NELL2: variants seen among roughly 807,000 people sequenced by gnomAD.
The protein encoded by NELL2 is protein kinase C-binding protein NELL2.
A neutral mutation model predicts 109.6 loss-of-function variants in NELL2; 41 were observed. The ratio of observed to expected loss-of-function variants is 0.37; its 90% CI spans 0.29 to 0.49. The LOEUF (loss-of-function observed/expected upper bound fraction) is 0.49. Among genes scored for constraint, NELL2 ranks in the 20% least tolerant of loss-of-function variants. The pLI is 0.98. For missense variants in NELL2, 900 were observed against 1,008.3 expected (o/e 0.89, Z 1.45); for synonymous variants, 355 against 344.7 (o/e 1.03, Z -0.33).
At chr12:44,799,736 T>C (rs1751107625) in intron 3 of NELL2, among the ~76,000 whole-genome samples, 1 of 152,098 alleles carries the variant, frequency 6.6e-6, no homozygotes, top group African/African-American at 2.4e-5. Flanking sequence ...GTATTTAATA[T>C]AGCTAAGTTA....
rs75179334 is a variant in NELL2 at position 44,691,540 on chromosome 12, C to T, written c.1318+12186G>A. Among the ~76,000 whole-genome samples, 36 of 152,242 alleles carry T rather than the reference C, an allele frequency of 2.4e-4. No individual in the cohort carries two copies. In the East Asian group the frequency reaches 6.6e-3, roughly 28 times the overall value. On this transcript the variant is annotated intron_variant, in intron 12 of 19. Coordinates refer to ENST00000429094, the MANE Select transcript of NELL2 (RefSeq NM_001145108.2). Reference sequence around the variant, plus strand: ...TGTTCAAGTGAGAAGAGTTGCACGTCTCTTGTTGTAAATCAAAACAGAGAA... The same window carrying T: ...TGTTCAAGTGAGAAGAGTTGCACGTTTCTTGTTGTAAATCAAAACAGAGAA...
At position 44,779,731 on chromosome 12, in the gene NELL2, A is replaced by C. The variant is rs199903219; in HGVS notation, c.538T>G (p.Ser180Ala). ...KIYERVVEKP[S>A]TDLPLGTTFW... ...GTTGTGCCTAGAGGCAAGTCTGTGG[A>C]GGGCTTTTCTACTACCCTTTCATAA... Residue 180 changes from serine (S) to alanine (A), a missense_variant, in exon 5 of 20, where the codon TCC (serine) becomes GCC (alanine). Coordinates refer to ENST00000429094, the MANE Select transcript of NELL2 (RefSeq NM_001145108.2). 2 of 1,613,992 alleles carry C rather than the reference A, an allele frequency of 1.2e-6. No individual in the cohort carries two copies. The highest frequency in any genetic ancestry group is 2.7e-5 in the African/African-American group (2 of 75,044).
intron 13 of NELL2, among the ~76,000 whole-genome samples, chr12:44,620,378 A>C (rs1946010701): frequency 6.6e-6 from 1 of 152,166 alleles, no homozygotes; most frequent in South Asian, 2.1e-4. Flanking sequence ...TAAGGAATGC[A>C]TCATTGATCT....
chr12:44,561,639 A>G (rs967458796), intron 15 of NELL2, among the ~76,000 whole-genome samples: 5 of 152,208 alleles, frequency 3.3e-5, no homozygotes, highest in African/African-American at 9.6e-5. Context: ...CTCAAGGAGA[A>G]CTACAAACCA....
intron 9 of NELL2, 45 bp downstream of exon 9, chr12:44,774,702 C>A: frequency 2.0e-6 from 3 of 1,479,590 alleles, no homozygotes; most frequent in Non-Finnish European, 2.8e-6. Flanking sequence ...TAATACAGTG[C>A]TTTATTTTTC....
chr12:44,619,341 T>G (rs1237230565), intron 13 of NELL2, among the ~76,000 whole-genome samples: 1 of 152,146 alleles, frequency 6.6e-6, no homozygotes, highest in Non-Finnish European at 1.5e-5. Context: ...AGAATTTTAT[T>G]TTGTAGGCAA....
At chr12:44,698,550 T>G (rs1419560033) in intron 12 of NELL2, among the ~76,000 whole-genome samples, 1 of 152,006 alleles carries the variant, frequency 6.6e-6, no homozygotes, top group Non-Finnish European at 1.5e-5. Flanking sequence ...TCTAAACAGG[T>G]GACATGAAGT....
At chr12:44,824,497 G>T (rs920516687) in intron 2 of NELL2, among the ~76,000 whole-genome samples, 1 of 151,946 alleles carries the variant, frequency 6.6e-6, no homozygotes, top group Non-Finnish European at 1.5e-5. Context: ...ACTATTTATT[G>T]AAGAGACTGT....
chr12:44,920,855 T>C (rs1482133405), intron 1 of NELL2, among the ~76,000 whole-genome samples: 1 of 152,190 alleles, frequency 6.6e-6, no homozygotes, highest in African/African-American at 2.4e-5. Context: ...TGAAATACTT[T>C]ACATAAAAAT....
intron 13 of NELL2, among the ~76,000 whole-genome samples, chr12:44,639,377 A>G (rs1008233162): frequency 6.6e-6 from 1 of 152,214 alleles, no homozygotes; most frequent in South Asian, 2.1e-4. Flanking sequence ...CAGCGTTATC[A>G]TAACGACGAC....
upstream of NELL2, among the ~76,000 whole-genome samples, chr12:44,915,785 C>CA (rs138041837): frequency 0.031 from 4,667 of 149,186 alleles, 149 homozygotes; most frequent in African/African-American, 0.072. Flanking sequence ...GGAAGAGATG[C>CA]AAAAAAAAAT....
intron 15 of NELL2, among the ~76,000 whole-genome samples, chr12:44,587,926 C>T (rs545296266): frequency 4.8e-4 from 73 of 152,090 alleles, no homozygotes; most frequent in Middle Eastern, 3.4e-3. Flanking sequence ...CCAAGGCGGG[C>T]GGATCACGAG....
At chr12:44,857,858 C>T (rs1212245193) in intron 2 of NELL2, among the ~76,000 whole-genome samples, 10 of 152,096 alleles carry the variant, frequency 6.6e-5, no homozygotes, top group Non-Finnish European at 4.4e-5. Flanking sequence ...ATCCTTTACT[C>T]CCCATTAAGA....
At chr12:44,755,894 C>A (rs917294119) in intron 9 of NELL2, among the ~76,000 whole-genome samples, 1 of 152,172 alleles carries the variant, frequency 6.6e-6, no homozygotes, top group African/African-American at 2.4e-5. Flanking sequence ...ATGCCTACAT[C>A]TGGGTTGTAA....
chr12:44,741,550 C>T (rs554445109), intron 9 of NELL2, among the ~76,000 whole-genome samples: 61 of 152,326 alleles, frequency 4.0e-4, no homozygotes, highest in Non-Finnish European at 7.8e-4. Context: ...ATTCCCTTTC[C>T]TAGTCAAAGA....
chr12:44,882,592 G>A (rs929219491), intron 1 of NELL2, among the ~76,000 whole-genome samples: 4 of 151,310 alleles, frequency 2.6e-5, no homozygotes, highest in East Asian at 1.9e-4. Flanking sequence ...CAGTGGCACC[G>A]TCTCAGCTCA....
intron 1 of NELL2, among the ~76,000 whole-genome samples, chr12:44,899,362 A>G (rs1167669408): frequency 6.6e-6 from 1 of 152,226 alleles, no homozygotes; most frequent in Non-Finnish European, 1.5e-5. Context: ...GCAGCCAAAC[A>G]GAAACATCAG....
intron 13 of NELL2, 138 bp downstream of exon 13, chr12:44,665,346 C>T (rs1279583677): frequency 6.0e-6 from 4 of 668,782 alleles, no homozygotes; most frequent in Non-Finnish European, 9.2e-6. Context: ...GAAATAACTA[C>T]CAAATCAAGA....
chr12:44,662,141 C>A (rs1947766096), intron 13 of NELL2, among the ~76,000 whole-genome samples: 1 of 152,152 alleles, frequency 6.6e-6, no homozygotes, highest in Non-Finnish European at 1.5e-5. Flanking sequence ...GCAACTGAGT[C>A]ATTTCCACAA....
Sources: allele counts gnomAD v4.1 joint callset (sites outside exome capture counted in the v4.1 genomes callset), GRCh38; gene constraint gnomAD v4.1.1; transcripts MANE v1.5; gene names NCBI Gene and HGNC (gene_info 2026-07-23, HGNC 2026-07-21).